The following SPAG16 variants were observed in gnomAD, a reference collection of about 807,000 sequenced individuals.
SPAG16 encodes the protein sperm associated antigen 16, also known as sperm-associated antigen 16 protein.
In SPAG16, 86 loss-of-function variants were observed where a neutral mutation model predicts 80.4. That is an observed-to-expected ratio of 1.07 (90% confidence interval 0.90 to 1.28). The LOEUF is 1.28. Ranked by LOEUF, SPAG16 falls within the 50% of genes most tolerant of loss-of-function variation. The pLI is 0.00. For missense variants in SPAG16, 870 were observed against 765.3 expected (o/e 1.14, Z -1.61); for synonymous variants, 294 against 265.9 (o/e 1.11, Z -1.03).
intron 10 of SPAG16, among the ~76,000 whole-genome samples, chr2:213,818,480 G>C (rs1431064161): frequency 4.6e-5 from 7 of 152,032 alleles, no homozygotes; most frequent in Admixed American, 4.6e-4. Flanking sequence ...CAAACATCTG[G>C]CTCTGCCTTG....
intron 10 of SPAG16, among the ~76,000 whole-genome samples, chr2:213,763,194 T>A (rs541958495): frequency 1.3e-5 from 2 of 151,402 alleles, no homozygotes; most frequent in African/African-American, 4.8e-5. Context: ...TGTAAAATAG[T>A]GTAGCCTCAA....
At chr2:214,179,184 A>G (rs563932773) in intron 15 of SPAG16, among the ~76,000 whole-genome samples, 1 of 151,584 alleles carries the variant, frequency 6.6e-6, no homozygotes, top group Admixed American at 6.6e-5. Flanking sequence ...CATTTGCCAA[A>G]TTAGAAAAGC....
At chr2:213,522,658 G>A (rs1030262934) in intron 10 of SPAG16, among the ~76,000 whole-genome samples, 2 of 152,042 alleles carry the variant, frequency 1.3e-5, no homozygotes, top group Admixed American at 6.5e-5. Context: ...CCCAACACTG[G>A]GCAGCAAATC....
chr2:214,314,180 G>A (rs1335202116), intron 15 of SPAG16, among the ~76,000 whole-genome samples: 3 of 152,050 alleles, frequency 2.0e-5, no homozygotes, highest in Non-Finnish European at 4.4e-5. Context: ...TTTGCCTTGA[G>A]TTATACTTTC....
chr2:213,973,983 C>A (rs1347706381), intron 12 of SPAG16, among the ~76,000 whole-genome samples: 1 of 151,954 alleles, frequency 6.6e-6, no homozygotes, highest in Non-Finnish European at 1.5e-5. Context: ...AGTTTATGAC[C>A]TGTAGTAAAT....
intron 10 of SPAG16, among the ~76,000 whole-genome samples, chr2:213,703,395 G>C (rs1369334675): frequency 6.6e-6 from 1 of 152,170 alleles, no homozygotes; most frequent in Non-Finnish European, 1.5e-5. Context: ...CCAGCGCAGA[G>C]AGAGCACCAA....
intron 12 of SPAG16, among the ~76,000 whole-genome samples, chr2:213,946,066 G>A (rs2079444967): frequency 6.6e-6 from 1 of 152,072 alleles, no homozygotes; most frequent in Admixed American, 6.6e-5. Flanking sequence ...TCATTTCTAG[G>A]AGAAAAGTTG....
chr2:213,696,604 GAA>G (rs1049885319), intron 10 of SPAG16, among the ~76,000 whole-genome samples: 4 of 152,262 alleles, frequency 2.6e-5, no homozygotes. Flanking sequence ...TAGAAGCTAA[GAA>G]AAGAAAGTAC....
chr2:213,599,991 G>C (rs1364653750), intron 10 of SPAG16, among the ~76,000 whole-genome samples: 1 of 152,114 alleles, frequency 6.6e-6, no homozygotes, highest in Non-Finnish European at 1.5e-5. Context: ...TGGCCTATTA[G>C]TAGTTGTGTT....
intron 12 of SPAG16, among the ~76,000 whole-genome samples, chr2:213,987,845 A>G (rs1463234339): frequency 6.8e-6 from 1 of 147,838 alleles, no homozygotes; most frequent in Non-Finnish European, 1.5e-5. Flanking sequence ...ATAAAAATAT[A>G]AAATTTTAAT....
chr2:213,710,708 T>C (rs1255204528), intron 10 of SPAG16, among the ~76,000 whole-genome samples: 1 of 152,236 alleles, frequency 6.6e-6, no homozygotes, highest in Non-Finnish European at 1.5e-5. Flanking sequence ...GGCAAAACTT[T>C]AGTGACCAAG....
At chr2:213,806,263 G>C (rs1278068763) in intron 10 of SPAG16, among the ~76,000 whole-genome samples, 2 of 152,094 alleles carry the variant, frequency 1.3e-5, no homozygotes, top group Non-Finnish European at 2.9e-5. Context: ...GCTTAGTGAG[G>C]CCTGGTTTAC....
chr2:213,839,399 T>G (rs898688233), intron 10 of SPAG16, among the ~76,000 whole-genome samples: 1 of 152,224 alleles, frequency 6.6e-6, no homozygotes, highest in African/African-American at 2.4e-5. Context: ...TTATGATTTT[T>G]TCCATCTCTT....
chr2:213,379,944 CTTGA>C (rs2067082422), intron 9 of SPAG16, among the ~76,000 whole-genome samples: 1 of 152,166 alleles, frequency 6.6e-6, no homozygotes, highest in African/African-American at 2.4e-5. Context: ...ATCCTTTCCA[CTTGA>C]TTATTAAAAT....
intron 15 of SPAG16, among the ~76,000 whole-genome samples, chr2:214,289,459 A>G (rs922972328): frequency 1.3e-5 from 2 of 152,194 alleles, no homozygotes; most frequent in East Asian, 3.8e-4. Flanking sequence ...ATGTACATCT[A>G]ATTTTCCCAG....
intron 15 of SPAG16, among the ~76,000 whole-genome samples, chr2:214,362,300 C>T (rs11894175): frequency 0.57 from 86,347 of 151,632 alleles, 28,908 homozygotes; most frequent in Non-Finnish European, 0.74. Context: ...TGTGGCTGTA[C>T]ACTTCTTCCA....
chr2:213,743,340 C>A (rs2067671365), intron 10 of SPAG16, among the ~76,000 whole-genome samples: 1 of 152,048 alleles, frequency 6.6e-6, no homozygotes, highest in Non-Finnish European at 1.5e-5. Flanking sequence ...TAGGAAGCAC[C>A]AATTATATAT....
Position 213,342,317 on chromosome 2 carries a change from T to TA in SPAG16, c.644+2047_644+2048insA, listed in dbSNP as rs1348628549. On this transcript the variant is annotated intron_variant, in intron 6 of 15. Transcript: ENST00000331683. ...TATATGACATATGTGTATATATATG[T>TA]TACATATATGTGTATATATATATTA... 6.7e-3 allele frequency among the ~76,000 whole-genome samples: 925 copies of TA among 137,836 alleles called. 17 individuals are homozygous for TA. The highest frequency in any genetic ancestry group is 0.023 in the African/African-American group (867 of 37,628). The allele number at this position is 137,836 out of a possible 152,430, so 90.4% of individuals were successfully genotyped here.
chr2:214,409,809 C>A (rs1702198564), intron 15 of SPAG16, among the ~76,000 whole-genome samples: 1 of 152,178 alleles, frequency 6.6e-6, no homozygotes, highest in Non-Finnish European at 1.5e-5. Flanking sequence ...AGTTGCCTTG[C>A]ATAGTTGCTT....
Sources: allele counts gnomAD v4.1 joint callset (sites outside exome capture counted in the v4.1 genomes callset), GRCh38; gene constraint gnomAD v4.1.1; transcripts MANE v1.5; gene names NCBI Gene and HGNC (gene_info 2026-07-23, HGNC 2026-07-21).